PSD3: variants seen among roughly 807,000 people sequenced by gnomAD.
PSD3 encodes the protein pleckstrin and Sec7 domain containing 3, also known as PH and SEC7 domain-containing protein 3.
PSD3 carries 49 observed loss-of-function variants against 105.5 expected under a neutral mutation model. That is an observed-to-expected ratio of 0.46 (90% CI 0.37 to 0.59). The LOEUF (loss-of-function observed/expected upper bound fraction) is 0.59. Ranked by LOEUF, PSD3 falls within the 20% of genes least tolerant of loss-of-function variation. The pLI, the probability that PSD3 is intolerant of heterozygous loss-of-function variation, is 0.00. For synonymous variants in PSD3, 557 were observed against 457.8 expected (o/e 1.22, Z -2.77); for missense variants, 1,561 against 1,263.8 (o/e 1.24, Z -3.57).
chr8:19,005,072 T>C (rs762831353), intron 1 of PSD3, among the ~76,000 whole-genome samples: 2 of 152,032 alleles, frequency 1.3e-5, no homozygotes, highest in Non-Finnish European at 2.9e-5. Context: ...TCATCATCAT[T>C]AGTCATTAGA....
chr8:18,669,310 G>C (rs1241961121), intron 9 of PSD3, among the ~76,000 whole-genome samples: 1 of 152,164 alleles, frequency 6.6e-6, no homozygotes, highest in Non-Finnish European at 1.5e-5. Context: ...AACCACGAAT[G>C]GGACCAAACC....
chr8:19,051,592 CT>C (rs1420350719), intron 1 of PSD3, among the ~76,000 whole-genome samples: 1 of 152,156 alleles, frequency 6.6e-6, no homozygotes, highest in Non-Finnish European at 1.5e-5. Context: ...TGGAAATTGG[CT>C]CTGAGGCAGC....
intron 11 of PSD3, among the ~76,000 whole-genome samples, chr8:18,622,875 C>T (rs1398352245): frequency 1.3e-5 from 2 of 152,194 alleles, no homozygotes; most frequent in African/African-American, 4.8e-5. Flanking sequence ...CTTCTATCAT[C>T]TGTACTCTTA....
At chr8:19,039,282 A>G (rs1828045781) in intron 1 of PSD3, among the ~76,000 whole-genome samples, 1 of 152,106 alleles carries the variant, frequency 6.6e-6, no homozygotes, top group Admixed American at 6.5e-5. Flanking sequence ...CATAGTTTCA[A>G]TTACAAAATC....
intron 4 of PSD3, among the ~76,000 whole-genome samples, chr8:18,828,961 T>C (rs960679525): frequency 2.0e-5 from 3 of 152,022 alleles, no homozygotes; most frequent in Non-Finnish European, 4.4e-5. Context: ...AAAATTCAGT[T>C]ACTAAGAGGC....
chr8:18,929,708 T>C (rs921941257), intron 2 of PSD3, among the ~76,000 whole-genome samples: 1 of 151,896 alleles, frequency 6.6e-6, no homozygotes, highest in African/African-American at 2.4e-5. Context: ...AAAAACAAAC[T>C]CCAACAGACA....
chr8:18,677,871 G>T (rs1040292509), intron 9 of PSD3, among the ~76,000 whole-genome samples: 3 of 152,000 alleles, frequency 2.0e-5, no homozygotes, highest in Admixed American at 1.3e-4. Flanking sequence ...TTAGCCAGGC[G>T]TGGTGGCGGG....
chr8:18,771,673 A>G (rs1010593899), intron 8 of PSD3, among the ~76,000 whole-genome samples: 2 of 152,180 alleles, frequency 1.3e-5, no homozygotes, highest in Admixed American at 6.5e-5. Flanking sequence ...TTATTTTTAG[A>G]CACTTGATTA....
rs76675066 is a variant in PSD3 at position 18,978,170 on chromosome 8, C to A, written c.21+35393G>T. ...CCAAAGCAGGTAACACAGCTCAGAG[C>A]TGAAGTTTGCTGAAAAGGCCAGAGG... On this transcript the variant is annotated intron_variant, in intron 1 of 15. Coordinates refer to ENST00000327040, the MANE Select transcript of PSD3 (RefSeq NM_015310.4). Among the ~76,000 whole-genome samples the A allele has an allele frequency of 7.8e-3, 1,183 of 152,348 alleles. 32 individuals carry two copies. Among genetic ancestry groups the A allele is most frequent in the East Asian group, 0.053 (275 of 5,186 alleles).
At chr8:18,790,584 G>A (rs888637371) in intron 8 of PSD3, among the ~76,000 whole-genome samples, 7 of 152,170 alleles carry the variant, frequency 4.6e-5, no homozygotes, top group East Asian at 1.9e-4. Flanking sequence ...TTACAGGCGT[G>A]AGCCACTACG....
rs78998260 is a variant in PSD3 at position 18,779,808 on chromosome 8, C to A, written c.2083-14270G>T. Among the ~76,000 whole-genome samples the A allele has an allele frequency of 8.9e-3, 1,357 of 152,196 alleles. 14 individuals carry two copies. Among genetic ancestry groups the A allele is most frequent in the Non-Finnish European group, 0.012 (842 of 67,962 alleles). On this transcript the variant is annotated intron_variant, in intron 8 of 15. Transcript: ENST00000327040. ...TCTGAGAAGATACGTGATATTATTT[C>A]TATTTTTTTAATCGTTGAGACTACT...
chr8:18,763,827 C>A (rs573824415), intron 9 of PSD3, among the ~76,000 whole-genome samples: 1 of 152,244 alleles, frequency 6.6e-6, no homozygotes, highest in East Asian at 1.9e-4. Flanking sequence ...CAATACTTCA[C>A]TTGACAATTA....
chr8:18,587,021 T>G (rs966565899), intron 12 of PSD3, among the ~76,000 whole-genome samples: 1 of 152,186 alleles, frequency 6.6e-6, no homozygotes, highest in South Asian at 2.1e-4. Context: ...TTTGTCAAAC[T>G]GAATGACACT....
At chr8:18,875,929 C>T (rs1487197819) in intron 2 of PSD3, among the ~76,000 whole-genome samples, 1 of 152,102 alleles carries the variant, frequency 6.6e-6, no homozygotes, top group Non-Finnish European at 1.5e-5. Flanking sequence ...TGGTAACTAC[C>T]AATATACTTT....
At chr8:18,978,902 C>CCTG (rs1563481904) in intron 1 of PSD3, among the ~76,000 whole-genome samples, 1 of 152,072 alleles carries the variant, frequency 6.6e-6, no homozygotes, top group African/African-American at 2.4e-5. Context: ...TACACTAAGG[C>CCTG]CAGCAAGAAG....
At chr8:19,006,323 A>G (rs1203927946) in intron 1 of PSD3, among the ~76,000 whole-genome samples, 2 of 151,198 alleles carry the variant, frequency 1.3e-5, no homozygotes, top group Non-Finnish European at 3.0e-5. Flanking sequence ...AGAATATATA[A>G]ATACATACAG....
intron 12 of PSD3, among the ~76,000 whole-genome samples, chr8:18,575,956 T>A (rs1271696591): frequency 6.6e-6 from 1 of 152,144 alleles, no homozygotes; most frequent in Non-Finnish European, 1.5e-5. Flanking sequence ...AAGGCCTCCC[T>A]TCCTCCTTCC....
chr8:18,772,876 A>G (rs1807673104), intron 8 of PSD3, among the ~76,000 whole-genome samples: 1 of 152,228 alleles, frequency 6.6e-6, no homozygotes, highest in Non-Finnish European at 1.5e-5. Context: ...TTTTAAAATC[A>G]GGATATTTGA....
chr8:18,670,048 C>T (rs1799689297), intron 9 of PSD3, among the ~76,000 whole-genome samples: 1 of 152,142 alleles, frequency 6.6e-6, no homozygotes, highest in African/African-American at 2.4e-5. Flanking sequence ...ATAATTCTGT[C>T]ACTTTCTGGT....
Sources: gnomAD v4.1 joint callset for allele counts (sites outside exome capture counted in the v4.1 genomes callset) on GRCh38, gnomAD v4.1.1 for gene constraint, MANE v1.5 for transcripts, NCBI Gene and HGNC (gene_info 2026-07-23, HGNC 2026-07-21) for gene names.